PARD3: variants seen among roughly 807,000 people sequenced by gnomAD.
PARD3 encodes partitioning defective 3 homolog.
In PARD3, 75 loss-of-function variants were observed where a neutral mutation model predicts 155.4. That is an observed-to-expected ratio of 0.48 (90% confidence interval 0.40 to 0.58). The LOEUF is 0.58. Ranked by LOEUF, PARD3 falls within the 20% of genes least tolerant of loss-of-function variation. The pLI, the probability that PARD3 is intolerant of heterozygous loss-of-function variation, is 0.00. For missense variants in PARD3, 1,642 were observed against 1,721.7 expected (o/e 0.95, Z 0.82); for synonymous variants, 576 against 610.5 (o/e 0.94, Z 0.83).
chr10:34,120,184 T>C (rs1035817181), intron 23 of PARD3, among the ~76,000 whole-genome samples: 3 of 33,238 alleles, frequency 9.0e-5, no homozygotes, highest in Non-Finnish European at 4.5e-5. Context: ...GCCTGGCTAA[T>C]TTTTTTTTTT....
At chr10:34,306,840 T>C (rs944242267) in intron 20 of PARD3, among the ~76,000 whole-genome samples, 20 of 152,062 alleles carry the variant, frequency 1.3e-4, no homozygotes, top group African/African-American at 3.6e-4. Flanking sequence ...ATTGCAAAAT[T>C]ACCCCCAACA....
Position 34,374,759 on chromosome 10 carries a change from T to G in PARD3, c.1668+115A>C, listed in dbSNP as rs551390493. On this transcript the variant is annotated intron_variant, in intron 11 of 24. Transcript: ENST00000374788. ...TATTCAGTGAGGGCTGAAAGAAATA[T>G]AAGATCTAGAAACTCCTCAGAAAAT... is the stretch of plus-strand genomic sequence containing the variant. 8.1e-5 allele frequency: 79 copies of G among 973,142 alleles called. 2 individuals are homozygous for G. The African/African-American group carries it at 1.2e-3, about 15-fold the overall frequency. The allele number at this position is 973,142 out of a possible 1,614,324, so 60.3% of individuals were successfully genotyped here. A position where few individuals can be genotyped will look rare whatever the true frequency, so the allele number is the denominator to read the frequency against.
At chr10:34,303,069 T>TA (rs869118245) in intron 20 of PARD3, among the ~76,000 whole-genome samples, 5,636 of 33,014 alleles carry the variant, frequency 0.17, 296 homozygotes, top group African/African-American at 0.33. Context: ...AACCAAGTTT[T>TA]AAAAAAAAAA....
In PARD3 at chr10:34,502,141, G is replaced by C. The variant is rs558915459; in HGVS notation, c.403+14838C>G. Among the ~76,000 whole-genome samples, 8 of 152,304 alleles carry C rather than the reference G, an allele frequency of 5.3e-5. No individual in the cohort carries two copies. In the South Asian group the frequency reaches 1.5e-3, roughly 28 times the overall value. On this transcript the variant is annotated intron_variant, in intron 3 of 24. Transcript: ENST00000374788. Reference sequence around the variant, plus strand: ...GGTTTGGTTGTTTATCAGCCACCCAGTCTAAGGTATTCTGTTGAAGCAGCC... The same window carrying C: ...GGTTTGGTTGTTTATCAGCCACCCACTCTAAGGTATTCTGTTGAAGCAGCC...
intron 22 of PARD3, among the ~76,000 whole-genome samples, chr10:34,138,902 T>A (rs1366175322): frequency 1.3e-5 from 2 of 150,918 alleles, no homozygotes; most frequent in African/African-American, 4.9e-5. Context: ...TAAAAAAAAA[T>A]TCAAAAAGTT....
intron 1 of PARD3, among the ~76,000 whole-genome samples, chr10:34,757,317 G>A (rs1441930303): frequency 6.6e-6 from 1 of 152,194 alleles, no homozygotes; most frequent in Non-Finnish European, 1.5e-5. Flanking sequence ...TTAACAGAAA[G>A]TTGCAAATAA....
intron 1 of PARD3, 121 bp from the exon 2 acceptor site, chr10:34,696,540 T>G (rs1564519551): frequency 1.5e-6 from 1 of 672,366 alleles, no homozygotes; most frequent in Non-Finnish European, 2.6e-6. Context: ...TCAACAATAC[T>G]GCAACTGATT....
In PARD3 at chr10:34,479,038, T is replaced by C. The variant is rs116443208; in HGVS notation, c.404-8775A>G. The stretch of plus-strand genomic sequence containing the variant: ...ATATAAAGGCTGTATATTAATGTTA[T>C]ATAAATGTTAATATTGTGGTTGTGA... On this transcript the variant is annotated intron_variant, in intron 3 of 24. Transcript: ENST00000374788. Among the ~76,000 whole-genome samples the C allele has an allele frequency of 9.3e-3, 1,419 of 152,296 alleles. 27 individuals are homozygous for C. Among genetic ancestry groups the C allele is most frequent in the African/African-American group, 0.033 (1,358 of 41,546 alleles).
At chr10:34,178,726 G>A (rs534093788) in intron 22 of PARD3, among the ~76,000 whole-genome samples, 1 of 152,230 alleles carries the variant, frequency 6.6e-6, no homozygotes, top group East Asian at 1.9e-4. Context: ...AAGAAAGAAA[G>A]CTCTGTGGTA....
intron 22 of PARD3, among the ~76,000 whole-genome samples, chr10:34,211,550 G>A (rs1951751214): frequency 6.6e-6 from 1 of 152,214 alleles, no homozygotes; most frequent in Admixed American, 6.5e-5. Flanking sequence ...GGGAGGCCGA[G>A]GCAGACGGAT....
At chr10:34,625,448 G>A (rs898052966) in intron 2 of PARD3, among the ~76,000 whole-genome samples, 4 of 152,242 alleles carry the variant, frequency 2.6e-5, no homozygotes, top group African/African-American at 4.8e-5. Flanking sequence ...AGGTGCCTGC[G>A]CTGGTGGTGG....
intron 20 of PARD3, among the ~76,000 whole-genome samples, chr10:34,311,241 T>G (rs1031189276): frequency 6.6e-6 from 1 of 152,162 alleles, no homozygotes; most frequent in South Asian, 2.1e-4. Context: ...CAGATGGTTT[T>G]CAAGACTTCA....
intron 18 of PARD3, 22 bp downstream of exon 18, chr10:34,336,177 C>G (rs765603046): frequency 6.3e-7 from 1 of 1,594,960 alleles, no homozygotes; most frequent in South Asian, 1.1e-5. Flanking sequence ...TCTATGGCAA[C>G]AGTCTAACTG....
intron 1 of PARD3, among the ~76,000 whole-genome samples, chr10:34,752,769 A>G (rs1014877736): frequency 2.0e-5 from 3 of 152,222 alleles, no homozygotes; most frequent in African/African-American, 7.2e-5. Context: ...CACAACTTAA[A>G]GTGGAAAAAT....
chr10:34,781,213 G>C (rs1225891513), intron 1 of PARD3, among the ~76,000 whole-genome samples: 1 of 152,224 alleles, frequency 6.6e-6, no homozygotes, highest in South Asian at 2.1e-4. Flanking sequence ...CTGAGAGCCT[G>C]CACAGCTGCA....
At chr10:34,620,550 T>G (rs149315598) in intron 2 of PARD3, among the ~76,000 whole-genome samples, 1 of 152,366 alleles carries the variant, frequency 6.6e-6, no homozygotes, top group East Asian at 1.9e-4. Context: ...ACGAGGCTGT[T>G]TGATGAACAA....
intron 2 of PARD3, among the ~76,000 whole-genome samples, chr10:34,619,486 A>C (rs2091482342): frequency 6.6e-6 from 1 of 152,222 alleles, no homozygotes; most frequent in African/African-American, 2.4e-5. Flanking sequence ...TGAATGAATA[A>C]ATAGCTTAAA....
intron 1 of PARD3, among the ~76,000 whole-genome samples, chr10:34,723,404 G>C (rs2094640928): frequency 6.6e-6 from 1 of 152,134 alleles, no homozygotes. Flanking sequence ...GGCTGAAACA[G>C]CCAGAGAGAC....
intron 2 of PARD3, among the ~76,000 whole-genome samples, chr10:34,614,359 G>A (rs539500381): frequency 6.6e-6 from 1 of 152,104 alleles, no homozygotes; most frequent in South Asian, 2.1e-4. Flanking sequence ...CTCTAACAAT[G>A]AGTAGTCAGA....
Sources: gnomAD v4.1 joint callset for allele counts (sites outside exome capture counted in the v4.1 genomes callset) on GRCh38, gnomAD v4.1.1 for gene constraint, MANE v1.5 for transcripts, NCBI Gene and HGNC (gene_info 2026-07-23, HGNC 2026-07-21) for gene names.